BMP5: variants seen among roughly 807,000 people sequenced by gnomAD.
BMP5 encodes the protein bone morphogenetic protein 5.
BMP5 carries 23 observed loss-of-function variants against 46.6 expected under a neutral mutation model. The ratio of observed to expected loss-of-function variants is 0.49; its 90% CI spans 0.35 to 0.70. BMP5 has a LOEUF of 0.70. Among genes scored for constraint, BMP5 ranks in the 30% least tolerant of loss-of-function variants. BMP5 has a pLI of 0.00. For missense variants in BMP5, 545 were observed against 565.6 expected (o/e 0.96, Z 0.37); for synonymous variants, 204 against 191.9 (o/e 1.06, Z -0.52).
chr6:55,862,008 A>C (rs1004637559), intron 1 of BMP5, among the ~76,000 whole-genome samples: 2 of 152,220 alleles, frequency 1.3e-5, no homozygotes, highest in Admixed American at 1.3e-4. Context: ...AAATGTTAGC[A>C]CTTGAAATGC....
At chr6:55,810,573 T>A (rs1357205256) in intron 2 of BMP5, among the ~76,000 whole-genome samples, 1 of 152,216 alleles carries the variant, frequency 6.6e-6, no homozygotes, top group Non-Finnish European at 1.5e-5. Context: ...TTCAACCATT[T>A]TTCATGCAGT....
intron 4 of BMP5, among the ~76,000 whole-genome samples, chr6:55,763,640 G>C (rs980863929): frequency 6.6e-6 from 1 of 152,142 alleles, no homozygotes; most frequent in Non-Finnish European, 1.5e-5. Flanking sequence ...TAATTCTACT[G>C]TTAATGAGCC....
intron 4 of BMP5, among the ~76,000 whole-genome samples, chr6:55,765,806 T>A (rs182373122): frequency 9.2e-5 from 14 of 152,302 alleles, no homozygotes; most frequent in Admixed American, 9.2e-4. Context: ...CACCACAAAA[T>A]AACTCTGTAA....
At chr6:55,858,545 A>C (rs1777454128) in intron 1 of BMP5, among the ~76,000 whole-genome samples, 1 of 152,250 alleles carries the variant, frequency 6.6e-6, no homozygotes, top group Middle Eastern at 3.2e-3. Context: ...AGTATGTTTT[A>C]GATTATCAAG....
At chr6:55,860,381 G>A (rs984308329) in intron 1 of BMP5, among the ~76,000 whole-genome samples, 7 of 152,138 alleles carry the variant, frequency 4.6e-5, no homozygotes, top group East Asian at 3.9e-4. Flanking sequence ...CAAGAGATTT[G>A]AATATAATTA....
chr6:55,821,818 A>G (rs1229075318), intron 1 of BMP5, among the ~76,000 whole-genome samples: 1 of 152,126 alleles, frequency 6.6e-6, no homozygotes, highest in African/African-American at 2.4e-5. Flanking sequence ...AGGGGAAGAA[A>G]ATGCCTGCTA....
intron 3 of BMP5, among the ~76,000 whole-genome samples, chr6:55,784,643 G>T (rs1037381791): frequency 6.6e-6 from 1 of 151,648 alleles, no homozygotes; most frequent in Non-Finnish European, 1.5e-5. Context: ...AGAGACAAAA[G>T]AAAAGGTTGA....
intron 1 of BMP5, among the ~76,000 whole-genome samples, chr6:55,837,369 A>AGATGATAGATAGATAGATAGATG (rs1554184997): frequency 6.7e-6 from 1 of 148,972 alleles, no homozygotes; most frequent in Non-Finnish European, 1.5e-5. Context: ...ATAGATAGAT[A>AGATGATAGATAGATAGATAGATG]GATAGATAGA....
intron 2 of BMP5, among the ~76,000 whole-genome samples, chr6:55,799,153 C>A (rs1775785315): frequency 6.6e-6 from 1 of 152,116 alleles, no homozygotes; most frequent in Non-Finnish European, 1.5e-5. Context: ...AATGGTATGA[C>A]AATCCCTGCC....
At chr6:55,790,079 G>C (rs1775540646) in intron 3 of BMP5, among the ~76,000 whole-genome samples, 1 of 152,038 alleles carries the variant, frequency 6.6e-6, no homozygotes, top group South Asian at 2.1e-4. Flanking sequence ...ACAGGGGCAG[G>C]CTAAACAAAA....
chr6:55,788,357 T>C (rs1029224058), intron 3 of BMP5, among the ~76,000 whole-genome samples: 4 of 151,772 alleles, frequency 2.6e-5, no homozygotes, highest in African/African-American at 9.7e-5. Flanking sequence ...ACTTTCTTAT[T>C]AGTAATTATT....
In BMP5 at chr6:55,760,474, G is replaced by A. The variant is rs748959947; in HGVS notation, c.1087C>T (p.Arg363Trp). Reference protein sequence around the residue: ...CKKHELYVSFRDLGWQDWIIA... With the variant: ...CKKHELYVSFWDLGWQDWIIA... Reference sequence around the variant, plus strand: ...ATTCCTACCTGCCATCCCAGATCCCGGAAGCTCACATAGAGTTCGTGCTTC... The same window carrying A: ...ATTCCTACCTGCCATCCCAGATCCCAGAAGCTCACATAGAGTTCGTGCTTC... Residue 363 changes from arginine to tryptophan, a missense_variant, in exon 5 of 7, where the codon CGG becomes TGG. Arg to Trp is a moderately radical substitution (Grantham distance 101). Coordinates refer to ENST00000370830, the MANE Select transcript of BMP5 (RefSeq NM_021073.4). The A allele has an allele frequency of 1.6e-5, 25 of 1,612,892 alleles. No individual in the cohort carries two copies. Among genetic ancestry groups the A allele is most frequent in the East Asian group, 2.2e-5 (1 of 44,826 alleles).
At chr6:55,871,139 TTATC>T (rs1256440000) in intron 1 of BMP5, among the ~76,000 whole-genome samples, 83 of 151,954 alleles carry the variant, frequency 5.5e-4, no homozygotes, top group Non-Finnish European at 5.0e-4. Context: ...TGTAAGCAAA[TTATC>T]TAATCATGTC....
chr6:55,874,340 TAATAACA>T, intron 1 of BMP5, 29 bp downstream of exon 1: 2 of 1,612,176 alleles, frequency 1.2e-6, no homozygotes, highest in South Asian at 2.2e-5. Context: ...TTCCACTTTG[TAATAACA>T]TAGATTAACA....
rs746571922 is a variant in BMP5 at position 55,875,087 on chromosome 6, A to C, written c.-222T>G. 34 of 509,334 alleles carry C rather than the reference A, an allele frequency of 6.7e-5. No homozygotes were observed. The highest frequency in any genetic ancestry group is 1.0e-4 in the Non-Finnish European group (30 of 290,244). 31.6% of individuals were successfully genotyped at this position (509,334 alleles called of 1,614,324 possible). ...AGAGTAGTTATTTCTAAGAAAGCTG[A>C]AACTCAGATTTCCAATTATCCACAG... On this transcript the variant is annotated 5_prime_UTR_variant, in exon 1 of 7. Transcript: ENST00000370830.
intron 1 of BMP5, among the ~76,000 whole-genome samples, chr6:55,829,827 T>A (rs1776623880): frequency 6.6e-6 from 1 of 152,078 alleles, no homozygotes. Context: ...AATATGATAA[T>A]TTCTATATTC....
At chr6:55,823,187 A>G (rs1371532545) in intron 1 of BMP5, among the ~76,000 whole-genome samples, 1 of 152,106 alleles carries the variant, frequency 6.6e-6, no homozygotes, top group Non-Finnish European at 1.5e-5. Flanking sequence ...TATACCACCT[A>G]CATAATGACA....
At chr6:55,864,218 T>C (rs1777588286) in intron 1 of BMP5, among the ~76,000 whole-genome samples, 1 of 152,168 alleles carries the variant, frequency 6.6e-6, no homozygotes, top group Non-Finnish European at 1.5e-5. Context: ...CAATTAAAAA[T>C]CTAGCAGTAA....
intron 3 of BMP5, among the ~76,000 whole-genome samples, chr6:55,788,245 T>C (rs1173063244): frequency 6.6e-6 from 1 of 151,702 alleles, no homozygotes; most frequent in African/African-American, 2.4e-5. Context: ...TTTCCCTTAT[T>C]TTCATTGATT....
Sources: gnomAD v4.1 joint callset for allele counts (sites outside exome capture counted in the v4.1 genomes callset) on GRCh38, gnomAD v4.1.1 for gene constraint, MANE v1.5 for transcripts, NCBI Gene and HGNC (gene_info 2026-07-23, HGNC 2026-07-21) for gene names.